Variants in PRDM10 observed in about 807,000 individuals in gnomAD.
The protein encoded by PRDM10 is PR/SET domain 10.
Under a neutral mutation model 133.1 loss-of-function variants are expected in PRDM10, and 65 were observed. The ratio of observed to expected loss-of-function variants is 0.49; its 90% confidence interval spans 0.40 to 0.60. The LOEUF (loss-of-function observed/expected upper bound fraction) is 0.60, where lower values mean the gene tolerates loss of function less well. Ranked by LOEUF, PRDM10 falls within the 20% of genes least tolerant of loss-of-function variation. PRDM10 has a pLI of 0.00. For synonymous variants in PRDM10, 582 were observed against 580.4 expected (o/e 1.00, Z -0.04); for missense variants, 1,137 against 1,507.1 (o/e 0.75, Z 4.07).
At chr11:129,960,079 T>C (rs1951768514) in intron 2 of PRDM10, among the ~76,000 whole-genome samples, 1 of 152,122 alleles carries the variant, frequency 6.6e-6, no homozygotes, top group Non-Finnish European at 1.5e-5. Flanking sequence ...TTTTTAATCA[T>C]ACCAGATAAC....
intron 6 of PRDM10, 113 bp downstream of exon 6, chr11:129,944,658 G>T: frequency 1.4e-6 from 2 of 1,413,008 alleles, no homozygotes; most frequent in East Asian, 2.3e-5. Context: ...ATAGAAAGAA[G>T]AATACTAGCA....
chr11:129,969,323 A>T (rs1951968376), intron 1 of PRDM10, among the ~76,000 whole-genome samples: 1 of 152,166 alleles, frequency 6.6e-6, no homozygotes, highest in Non-Finnish European at 1.5e-5. Context: ...AGTTACCATA[A>T]ATACTACAGG....
chr11:129,962,693 TAC>T (rs1355134855), intron 1 of PRDM10, among the ~76,000 whole-genome samples: 2 of 152,246 alleles, frequency 1.3e-5, no homozygotes, highest in Non-Finnish European at 2.9e-5. Context: ...TGAATTTTAT[TAC>T]ATTTAAATTA....
At position 129,902,280 on chromosome 11, in the gene PRDM10, G is replaced by A. The variant is rs769942850; in HGVS notation, c.*33C>T. The A allele has an allele frequency of 1.4e-5, 22 of 1,606,668 alleles. No homozygotes were observed. The highest frequency in any genetic ancestry group is 1.9e-5 in the Non-Finnish European group (22 of 1,174,564). On this transcript the variant is annotated 3_prime_UTR_variant, in exon 21 of 21. Coordinates refer to ENST00000360871, the MANE Select transcript of PRDM10 (RefSeq NM_199437.2). ...TTCAGACTTATGAGAACAGACATGA[G>A]GTGGGTGCTGGATTCAAGCTCCAGG...
intron 7 of PRDM10, among the ~76,000 whole-genome samples, chr11:129,938,724 T>C (rs867318007): frequency 6.6e-6 from 1 of 152,102 alleles, no homozygotes; most frequent in South Asian, 2.1e-4. Context: ...CTAACATGTA[T>C]CAATAAAAAG....
At chr11:129,927,710 C>G (rs147056165) in intron 11 of PRDM10, among the ~76,000 whole-genome samples, 3 of 152,188 alleles carry the variant, frequency 2.0e-5, no homozygotes, top group African/African-American at 7.2e-5. Context: ...TGTCTGCACT[C>G]AAGAACTAGA....
chr11:129,912,463 G>C (rs1950215811), intron 17 of PRDM10, among the ~76,000 whole-genome samples: 1 of 151,880 alleles, frequency 6.6e-6, no homozygotes, highest in Admixed American at 6.6e-5. Context: ...AAATTAGTCA[G>C]GTGAATGGCC....
intron 1 of PRDM10, among the ~76,000 whole-genome samples, chr11:129,985,813 T>TAG (rs1938407642): frequency 1.0e-5 from 1 of 95,472 alleles, no homozygotes; most frequent in Admixed American, 1.1e-4. Context: ...AAAAAAAATA[T>TAG]ATATATATAT....
chr11:129,909,858 C>T (rs1950131278), intron 19 of PRDM10, among the ~76,000 whole-genome samples: 1 of 152,218 alleles, frequency 6.6e-6, no homozygotes, highest in Admixed American at 6.5e-5. Flanking sequence ...TGGTCAGCTG[C>T]ACAGTGGGGT....
intron 1 of PRDM10, among the ~76,000 whole-genome samples, chr11:129,987,917 C>T (rs1413488684): frequency 6.6e-6 from 1 of 152,140 alleles, no homozygotes; most frequent in Non-Finnish European, 1.5e-5. Flanking sequence ...AGGAGAATGG[C>T]CTGAACCCAG....
chr11:129,958,889 A>G (rs1302100622), intron 2 of PRDM10, among the ~76,000 whole-genome samples: 1 of 152,250 alleles, frequency 6.6e-6, no homozygotes, highest in African/African-American at 2.4e-5. Flanking sequence ...TAAAGCAGAA[A>G]TGAAGTTTTG....
Position 129,965,220 on chromosome 11 carries a change from G to A in PRDM10, c.-118-4138C>T, listed in dbSNP as rs572927913. ...CGTGCCACTGCACTCCAGCCTGGGC[G>A]ACACAGCAAGACCCTGTCTCAAAGA... On this transcript the variant is annotated intron_variant, in intron 1 of 20. Transcript: ENST00000360871. 4.0e-5 allele frequency among the ~76,000 whole-genome samples: 6 copies of A among 151,676 alleles called. No homozygotes were observed. The East Asian group carries it at 5.8e-4, about 15-fold the overall frequency.
At chr11:129,991,335 G>A (rs766313055) in intron 1 of PRDM10, among the ~76,000 whole-genome samples, 2 of 152,170 alleles carry the variant, frequency 1.3e-5, no homozygotes, top group African/African-American at 2.4e-5. Flanking sequence ...CTTAACTGAT[G>A]TATTTCACCA....
chr11:129,959,901 C>T (rs913885042), intron 2 of PRDM10, among the ~76,000 whole-genome samples: 4 of 151,702 alleles, frequency 2.6e-5, no homozygotes, highest in Non-Finnish European at 5.9e-5. Context: ...TATAGGCATG[C>T]ACCACCATGT....
chr11:129,978,228 C>T (rs1316300985), intron 1 of PRDM10, among the ~76,000 whole-genome samples: 2 of 152,122 alleles, frequency 1.3e-5, no homozygotes, highest in Non-Finnish European at 2.9e-5. Context: ...CCAGTTGTTT[C>T]AAGTGTGGAC....
At chr11:129,977,569 A>G (rs1937851730) in intron 1 of PRDM10, among the ~76,000 whole-genome samples, 1 of 152,212 alleles carries the variant, frequency 6.6e-6, no homozygotes, top group Non-Finnish European at 1.5e-5. Flanking sequence ...GGCGTGAGCC[A>G]CTGCGCCCAG....
intron 1 of PRDM10, among the ~76,000 whole-genome samples, chr11:129,966,273 C>A (rs559766360): frequency 1.3e-5 from 2 of 152,074 alleles, no homozygotes; most frequent in Non-Finnish European, 2.9e-5. Context: ...AATAAAAAAT[C>A]CAAATTACCT....
At chr11:129,948,149 C>T (rs994487796) in intron 4 of PRDM10, 1 of 440,294 alleles carries the variant, frequency 2.3e-6, no homozygotes, top group Middle Eastern at 3.4e-4. Context: ...TAGGTTAATG[C>T]TATCTTATCA....
At chr11:129,966,351 C>T (rs1164093302) in intron 1 of PRDM10, among the ~76,000 whole-genome samples, 1 of 152,130 alleles carries the variant, frequency 6.6e-6, no homozygotes, top group East Asian at 1.9e-4. Context: ...AAGTACGTTC[C>T]CCCCATGTTT....
Sources: gnomAD v4.1 joint callset for allele counts (sites outside exome capture counted in the v4.1 genomes callset) on GRCh38, gnomAD v4.1.1 for gene constraint, MANE v1.5 for transcripts, NCBI Gene and HGNC (gene_info 2026-07-23, HGNC 2026-07-21) for gene names.